SAMMSON: variants seen among roughly 807,000 people sequenced by gnomAD.
SAMMSON encodes the protein survival associated mitochondrial melanoma specific oncogenic non-coding RNA.
At chr3:70,419,916 G>T (rs1701297944) in intron 2 of SAMMSON, among the ~76,000 whole-genome samples, 1 of 152,184 alleles carries the variant, frequency 6.6e-6, no homozygotes, top group African/African-American at 2.4e-5. Context: ...GGGATTACAG[G>T]CATGAGCCAC....
intron 7 of SAMMSON, among the ~76,000 whole-genome samples, chr3:70,351,874 C>A (rs746376736): frequency 1.3e-5 from 2 of 152,090 alleles, no homozygotes; most frequent in Non-Finnish European, 2.9e-5. Flanking sequence ...GGACTCTAGA[C>A]CTCCTCACTG....
At chr3:70,016,895 G>C (rs1035440535) in intron 3 of SAMMSON, among the ~76,000 whole-genome samples, 1 of 152,148 alleles carries the variant, frequency 6.6e-6, no homozygotes, top group Non-Finnish European at 1.5e-5. Context: ...TCAGATGGTT[G>C]TAGATATGCG....
At chr3:70,115,178 A>G (rs1056135295) in intron 4 of SAMMSON, among the ~76,000 whole-genome samples, 3 of 149,302 alleles carry the variant, frequency 2.0e-5, no homozygotes, top group African/African-American at 7.4e-5. Context: ...TCAATAATCC[A>G]TGAGGTAGCT....
intron 1 of SAMMSON, among the ~76,000 whole-genome samples, chr3:70,011,380 C>T (rs546375401): frequency 6.6e-6 from 1 of 152,204 alleles, no homozygotes; most frequent in South Asian, 2.1e-4. Flanking sequence ...TTTGAAAATA[C>T]CTATTGTTAG....
At position 70,078,141 on chromosome 3, in the gene SAMMSON, T is replaced by C. The variant is rs114611183; in HGVS notation, n.507+6576T>C. ...GTGGGGAGGAGTGGTGTTCCCTTTA[T>C]TAGAAGGAACTTCTGGTTGGAATTG... is the stretch of plus-strand genomic sequence containing the variant. On this transcript the variant is annotated intron_variant and non_coding_transcript_variant, in intron 4 of 9. Transcript: ENST00000642114. Among the ~76,000 whole-genome samples, 1,456 of 152,236 alleles carry C rather than the reference T, an allele frequency of 9.6e-3. 20 individuals are homozygous for C. Among genetic ancestry groups the C allele is most frequent in the African/African-American group, 0.032 (1,317 of 41,540 alleles).
chr3:70,342,869 T>C lies in SAMMSON; in HGVS notation n.740-11306T>C, dbSNP rs78417362. On this transcript the variant is annotated intron_variant and non_coding_transcript_variant, in intron 7 of 9. Transcript: ENST00000642114. ...TTCTTTGGCCAGTGTTTGCATATTG[T>C]GGCAGTTAAGAGTAAAGAGGTGGCT... Among the ~76,000 whole-genome samples, 173 of 152,306 alleles carry C rather than the reference T, an allele frequency of 1.1e-3. 1 individual carries two copies. Among genetic ancestry groups the C allele is most frequent in the East Asian group, 9.8e-3 (51 of 5,184 alleles).
At chr3:70,094,726 T>G (rs1254392263) in intron 4 of SAMMSON, 1 of 152,208 alleles carries the variant, frequency 6.6e-6, no homozygotes, top group African/African-American at 2.4e-5. Context: ...GGTCCACCTA[T>G]CCTGTGCAGC....
At chr3:70,122,390 C>T (rs60754263) in intron 4 of SAMMSON, among the ~76,000 whole-genome samples, 1,877 of 152,076 alleles carry the variant, frequency 0.012, 36 homozygotes, top group African/African-American at 0.043. Flanking sequence ...TGTGTGGAGA[C>T]GGGGTTTGGG....
chr3:70,123,411 C>T (rs2067443250), intron 4 of SAMMSON, among the ~76,000 whole-genome samples: 1 of 152,204 alleles, frequency 6.6e-6, no homozygotes, highest in South Asian at 2.1e-4. Context: ...GCAAGGATTA[C>T]AGATGCCTGC....
At chr3:70,354,140 A>G (rs943373760) in intron 7 of SAMMSON, 2 of 152,178 alleles carry the variant, frequency 1.3e-5, no homozygotes, top group Non-Finnish European at 2.9e-5. Context: ...TTAATGTATC[A>G]ATGTAAATAT....
At chr3:70,267,684 G>A (rs1461544857) in intron 6 of SAMMSON, among the ~76,000 whole-genome samples, 2 of 151,152 alleles carry the variant, frequency 1.3e-5, no homozygotes, top group African/African-American at 4.9e-5. Flanking sequence ...CCAGAGTGCT[G>A]GGATTACAGG....
At chr3:70,357,465 G>A (rs1365515437) in intron 8 of SAMMSON, among the ~76,000 whole-genome samples, 4 of 152,118 alleles carry the variant, frequency 2.6e-5, no homozygotes, top group Admixed American at 2.6e-4. Context: ...TGAATGTGAT[G>A]TTTTTAAATA....
At chr3:70,426,265 T>G (rs1701367717) in intron 2 of SAMMSON, among the ~76,000 whole-genome samples, 2 of 152,324 alleles carry the variant, frequency 1.3e-5, no homozygotes, top group South Asian at 4.1e-4. Flanking sequence ...AAACCAAATG[T>G]GACAGCTTGA....
At chr3:70,099,343 A>T (rs1467848246) in intron 4 of SAMMSON, among the ~76,000 whole-genome samples, 1 of 152,138 alleles carries the variant, frequency 6.6e-6, no homozygotes, top group Admixed American at 6.5e-5. Context: ...ACAGTGTATA[A>T]AAGTTCTGCT....
At chr3:70,330,305 CAT>C (rs1053508864) in intron 7 of SAMMSON, among the ~76,000 whole-genome samples, 4 of 151,878 alleles carry the variant, frequency 2.6e-5, no homozygotes, top group East Asian at 1.9e-4. Context: ...TCAAAACCCA[CAT>C]ATCTTTTTCT....
At chr3:70,341,903 T>C (rs1702714058) in intron 7 of SAMMSON, among the ~76,000 whole-genome samples, 1 of 152,174 alleles carries the variant, frequency 6.6e-6, no homozygotes, top group Admixed American at 6.5e-5. Flanking sequence ...TTACAATAGA[T>C]CAGTAATATG....
intron 7 of SAMMSON, among the ~76,000 whole-genome samples, chr3:70,349,708 G>A (rs774879931): frequency 6.6e-6 from 1 of 152,164 alleles, no homozygotes; most frequent in African/African-American, 2.4e-5. Context: ...AACAGTATGA[G>A]CAAGAAGTCC....
intron 1 of SAMMSON, among the ~76,000 whole-genome samples, chr3:70,000,826 A>C (rs1212020693): frequency 6.6e-6 from 1 of 152,132 alleles, no homozygotes; most frequent in Non-Finnish European, 1.5e-5. Flanking sequence ...TCTTGTATTA[A>C]TATCATTCAA....
intron 4 of SAMMSON, among the ~76,000 whole-genome samples, chr3:70,099,534 G>C (rs1259773389): frequency 2.0e-5 from 3 of 152,120 alleles, no homozygotes; most frequent in African/African-American, 7.2e-5. Context: ...ATTTTTATCA[G>C]TTTTTCAACT....
Sources: gnomAD v4.1 joint callset for allele counts (sites outside exome capture counted in the v4.1 genomes callset) on GRCh38, gnomAD v4.1.1 for gene constraint, MANE v1.5 for transcripts, NCBI Gene and HGNC (gene_info 2026-07-23, HGNC 2026-07-21) for gene names.